The following ZNF717 variants were observed in gnomAD, a reference collection of about 807,000 sequenced individuals.
ZNF717 encodes the protein zinc finger protein 717.
A neutral mutation model predicts 13.8 loss-of-function variants in ZNF717; 9 were observed. The observed-to-expected ratio is 0.65, with a 90% CI of 0.39 to 1.14. The LOEUF is 1.14. Among genes scored for constraint, ZNF717 ranks in the 50% most tolerant of loss-of-function variants. ZNF717 has a pLI of 0.01. For synonymous variants in ZNF717, 327 were observed against 364.1 expected, an observed-to-expected ratio of 0.90 and a Z score of 1.16; for missense variants, 1,040 against 1,080.7, an observed-to-expected ratio of 0.96 and a Z score of 0.53.
intron 2 of ZNF717, among the ~76,000 whole-genome samples, chr3:75,755,598 G>C (rs372337702): frequency 6.6e-6 from 1 of 152,024 alleles, no homozygotes; most frequent in Non-Finnish European, 1.5e-5. Flanking sequence ...GAGGAATCAG[G>C]TGTTTTCTTT....
At chr3:75,781,528 T>C (rs534177818) in intron 2 of ZNF717, among the ~76,000 whole-genome samples, 2 of 152,208 alleles carry the variant, frequency 1.3e-5, no homozygotes, top group African/African-American at 4.8e-5. Context: ...ATACCCAAAG[T>C]TGTGTTAACA....
Position 75,737,540 on chromosome 3 carries a change from C to G in ZNF717, c.2083G>C (p.Glu695Gln). The change falls in exon 5 of 5, where the codon GAA (glutamate) becomes CAA (glutamine). Residue 695 changes from glutamate (E) to glutamine (Q), a missense_variant. This residue lies in a region of ZNF717 where 873 missense variants were observed against 832.8 expected (regional missense o/e 1.05). Transcript: ENST00000652011. ...ATAGGGCTTTTCCCCGGTGTGAGTT[C>G]TCTGATGTATAATAAGGTATGATTT... ...VRNHTLLYIR[E>Q]LTPGKSPMNV... 6.4e-7 allele frequency: 1 copy of G among 1,553,160 alleles called. No individual in the cohort carries two copies. The highest frequency in any genetic ancestry group is 1.2e-5 in the South Asian group (1 of 84,128).
In ZNF717 at chr3:75,785,455, G is replaced by GC. The variant is rs1174146949; in HGVS notation, c.-75dup. On this transcript the variant is annotated 5_prime_UTR_variant, in exon 1 of 5. Transcript: ENST00000652011. ...CCCACAACTGGGGAACACTGGTCCGGCCCCCCGGGATCCCCCGGGCCCACG... is the reference window on the plus strand; with the variant it reads ...CCCACAACTGGGGAACACTGGTCCGGCCCCCCCGGGATCCCCCGGGCCCACG... 2 of 152,698 alleles carry GC rather than the reference G, an allele frequency of 1.3e-5. No individual in the cohort carries two copies. Among genetic ancestry groups the GC allele is most frequent in the Non-Finnish European group, 2.9e-5 (2 of 68,426 alleles). 9.5% of individuals were successfully genotyped at this position (152,698 alleles called of 1,614,324 possible).
chr3:75,735,635 T>TA (rs149366090), downstream of ZNF717, among the ~76,000 whole-genome samples: 121 of 79,838 alleles, frequency 1.5e-3, 4 homozygotes, highest in African/African-American at 5.1e-3. Flanking sequence ...ACTGTCTCAA[T>TA]AAAAAAAAAA....
chr3:75,706,986 A>T (rs62247298), downstream of ZNF717, among the ~76,000 whole-genome samples: 8,896 of 151,778 alleles, frequency 0.059, no homozygotes, highest in African/African-American at 0.098. Flanking sequence ...ATTGACTCAG[A>T]AGACCAAGTC....
At chr3:75,776,129 G>A (rs76356256) in intron 2 of ZNF717, among the ~76,000 whole-genome samples, 9 of 152,372 alleles carry the variant, frequency 5.9e-5, no homozygotes, top group Non-Finnish European at 8.8e-5. Context: ...AATTAAGCAC[G>A]GACTTATGAA....
chr3:75,719,155 T>C (rs1376991654), intron 4 of ZNF717, among the ~76,000 whole-genome samples: 39 of 151,742 alleles, frequency 2.6e-4, no homozygotes, highest in Non-Finnish European at 4.4e-4. Flanking sequence ...ATACACCAGG[T>C]GTGGTGTCAC....
chr3:75,717,785 C>T (rs75483066), intron 4 of ZNF717, among the ~76,000 whole-genome samples: 2 of 152,194 alleles, frequency 1.3e-5, no homozygotes, highest in Non-Finnish European at 2.9e-5. Flanking sequence ...ATTGGCAATA[C>T]AGTATTCTTG....
chr3:75,704,499 C>T (rs1937760697), intron 6 of ZNF717, among the ~76,000 whole-genome samples: 2 of 152,296 alleles, frequency 1.3e-5, no homozygotes, highest in Admixed American at 1.3e-4. Flanking sequence ...AGTGAGAGAC[C>T]CTAGGGCATA....
At chr3:75,757,030 T>C (rs1164004413) in intron 2 of ZNF717, among the ~76,000 whole-genome samples, 1 of 152,254 alleles carries the variant, frequency 6.6e-6, no homozygotes, top group Non-Finnish European at 1.5e-5. Context: ...AGAAGAAAAG[T>C]CTGAAGCTAG....
chr3:75,756,735 C>T (rs566842324), intron 2 of ZNF717, among the ~76,000 whole-genome samples: 2 of 151,892 alleles, frequency 1.3e-5, no homozygotes, highest in Non-Finnish European at 2.9e-5. Context: ...AGTGCAATGG[C>T]GCGATCTCGG....
intron 2 of ZNF717, among the ~76,000 whole-genome samples, chr3:75,742,390 AAGTATAAACAC>A (rs1940592300): frequency 6.6e-6 from 1 of 152,160 alleles, no homozygotes. Flanking sequence ...ATGAATATAT[AAGTATAAACAC>A]ATACTGGGAA....
chr3:75,771,994 CCT>C (rs775605783), intron 2 of ZNF717, among the ~76,000 whole-genome samples: 19 of 152,376 alleles, frequency 1.2e-4, no homozygotes, highest in East Asian at 7.7e-4. Context: ...ATGCCAGCCC[CCT>C]GTCACCTCGC....
At chr3:75,711,988 CA>C (rs1937948325) in intron 5 of ZNF717, among the ~76,000 whole-genome samples, 1 of 152,250 alleles carries the variant, frequency 6.6e-6, no homozygotes, top group South Asian at 2.1e-4. Context: ...TCAGGACAAT[CA>C]GACTTTTATT....
chr3:75,725,792 T>C (rs1938267925), downstream of ZNF717, among the ~76,000 whole-genome samples: 1 of 152,160 alleles, frequency 6.6e-6, no homozygotes. Context: ...ATGATTCAAT[T>C]ACCTCCCCCC....
chr3:75,739,277 C>T lies in ZNF717; in HGVS notation c.346G>A (p.Val116Ile). ...ESHDRFFWQI[V>I]ITNSNTSTQE... is the part of the protein sequence containing the mutation. ...GTTGATGTGTTGCTGTTGGTGATTA[C>T]AATTTGCCAGAAAAATCTATCATGA... is the stretch of plus-strand genomic sequence containing the variant. Residue 116 changes from valine to isoleucine, a missense_variant, in exon 5 of 5, where the codon GTA becomes ATA. By Grantham distance (29) the Val-to-Ile change is conservative. Around this residue, in one of 3 missense-constraint regions of ZNF717, gnomAD observed 123 missense variants for 177.8 expected, o/e 0.69. Coordinates refer to ENST00000652011, the MANE Select transcript of ZNF717 (RefSeq NM_001290208.3). The T allele has an allele frequency of 3.3e-6, 5 of 1,521,098 alleles. No homozygotes were observed. The South Asian group carries it at 6.2e-5, about 19-fold the overall frequency. 94.2% of individuals were successfully genotyped at this position (1,521,098 alleles called of 1,614,324 possible).
chr3:75,704,062 C>G (rs1246534789), intron 6 of ZNF717, among the ~76,000 whole-genome samples: 1 of 152,310 alleles, frequency 6.6e-6, no homozygotes, highest in East Asian at 1.9e-4. Flanking sequence ...GGTTAATGGT[C>G]ATTGTTAAAA....
downstream of ZNF717, among the ~76,000 whole-genome samples, chr3:75,725,337 G>A (rs1938258271): frequency 6.6e-6 from 1 of 152,200 alleles, no homozygotes; most frequent in Non-Finnish European, 1.5e-5. Context: ...CTTTAGCAAG[G>A]ACTTGAAGAC....
chr3:75,729,014 C>A, downstream of ZNF717, among the ~76,000 whole-genome samples: 1 of 141,636 alleles, frequency 7.1e-6, no homozygotes, highest in Non-Finnish European at 1.5e-5. Flanking sequence ...GGAGGGTGAA[C>A]AATCAGATAT....
Sources: allele counts gnomAD v4.1 joint callset (sites outside exome capture counted in the v4.1 genomes callset), GRCh38; gene constraint gnomAD v4.1.1; regional missense constraint gnomAD v4.1.1; transcripts MANE v1.5; gene names NCBI Gene and HGNC (gene_info 2026-07-23, HGNC 2026-07-21).